Variants in ENTREP2 observed in about 807,000 individuals in gnomAD.
ENTREP2 encodes endosomal transmembrane epsin interactor 2, also known as protein ENTREP2.
chr15:29,315,387 G>A, the ENTREP2 span, among the ~76,000 whole-genome samples: 1 of 152,016 alleles, frequency 6.6e-6, no homozygotes, highest in East Asian at 1.9e-4. Flanking sequence ...AAAATAAAAC[G>A]GAAATATCCA....
chr15:29,281,774 T>G, the ENTREP2 span, among the ~76,000 whole-genome samples: 79,096 of 152,130 alleles, frequency 0.52, 23,209 homozygotes, highest in Non-Finnish European at 0.68. Context: ...CCAGCTGACA[T>G]CTGTAGACTA....
the ENTREP2 span, among the ~76,000 whole-genome samples, chr15:29,288,090 A>G: frequency 2.6e-4 from 39 of 152,234 alleles, no homozygotes; most frequent in Non-Finnish European, 5.0e-4. Context: ...TACTTTCGGT[A>G]AACTGTAGTT....
the ENTREP2 span, among the ~76,000 whole-genome samples, chr15:29,310,004 C>T: frequency 6.6e-6 from 1 of 152,020 alleles, no homozygotes; most frequent in Non-Finnish European, 1.5e-5. Flanking sequence ...TTCCATGTGA[C>T]GTGGACTGAA....
At chr15:29,270,190 C>G in the ENTREP2 span, among the ~76,000 whole-genome samples, 2 of 152,110 alleles carry the variant, frequency 1.3e-5, no homozygotes, top group Non-Finnish European at 2.9e-5. Context: ...TATTTCTACA[C>G]AAAATGTAGA....
At chr15:29,565,652 T>C in the ENTREP2 span, among the ~76,000 whole-genome samples, 4 of 152,192 alleles carry the variant, frequency 2.6e-5, no homozygotes, top group Non-Finnish European at 4.4e-5. Flanking sequence ...TTTTTGTAAA[T>C]TGTTTTTAAA....
At chr15:29,232,151 A>G in the ENTREP2 span, among the ~76,000 whole-genome samples, 1 of 152,054 alleles carries the variant, frequency 6.6e-6, no homozygotes, top group African/African-American at 2.4e-5. Flanking sequence ...TCAGTCTCCA[A>G]AAGTGCTGGG....
the ENTREP2 span, among the ~76,000 whole-genome samples, chr15:29,223,615 T>C: frequency 3.9e-5 from 6 of 152,156 alleles, no homozygotes; most frequent in Non-Finnish European, 7.3e-5. Context: ...GGATGGTCTT[T>C]TTTCCCACTG....
the ENTREP2 span, among the ~76,000 whole-genome samples, chr15:29,526,822 C>A: frequency 1.2e-4 from 18 of 151,928 alleles, no homozygotes; most frequent in Middle Eastern, 3.2e-3. Flanking sequence ...TCGTGCCAAC[C>A]TAACACCCCC....
the ENTREP2 span, among the ~76,000 whole-genome samples, chr15:29,452,015 G>C: frequency 6.6e-6 from 1 of 152,166 alleles, no homozygotes; most frequent in African/African-American, 2.4e-5. Flanking sequence ...AAATGTTCTA[G>C]ACCATCAAAT....
chr15:29,652,895 G>T, the ENTREP2 span, among the ~76,000 whole-genome samples: 1 of 152,186 alleles, frequency 6.6e-6, no homozygotes, highest in South Asian at 2.1e-4. Context: ...CTGAGTGGGA[G>T]GAATAAGCTG....
chr15:29,139,662 A>AC, the ENTREP2 span, among the ~76,000 whole-genome samples: 2 of 152,204 alleles, frequency 1.3e-5, no homozygotes. Context: ...AGGCTGCCAC[A>AC]CACTGGAGGC....
chr15:29,136,393 C>G, the ENTREP2 span: 6 of 1,518,554 alleles, frequency 4.0e-6, no homozygotes, highest in Non-Finnish European at 5.3e-6. Context: ...GGCCCACCAC[C>G]GCCTCGTACG....
chr15:29,661,148 G>T, the ENTREP2 span, among the ~76,000 whole-genome samples: 1 of 152,154 alleles, frequency 6.6e-6, no homozygotes, highest in Non-Finnish European at 1.5e-5. Context: ...GAAATTAAAG[G>T]TTCATTTGAA....
At chr15:29,524,844 T>TA in the ENTREP2 span, among the ~76,000 whole-genome samples, 1 of 152,262 alleles carries the variant, frequency 6.6e-6, no homozygotes, top group African/African-American at 2.4e-5. Context: ...CAAGATTTAA[T>TA]AGAGTGAAAA....
chr15:29,500,766 G>A, the ENTREP2 span, among the ~76,000 whole-genome samples: 2 of 151,814 alleles, frequency 1.3e-5, no homozygotes, highest in African/African-American at 4.8e-5. Context: ...GCCAAACAGA[G>A]AACAGAAAAA....
chr15:29,304,808 T>C, the ENTREP2 span, among the ~76,000 whole-genome samples: 1 of 152,168 alleles, frequency 6.6e-6, no homozygotes, highest in African/African-American at 2.4e-5. Flanking sequence ...TGGTTGCTCT[T>C]AGAACTGTCA....
At chr15:29,173,217 GAGGGT>G in the ENTREP2 span, among the ~76,000 whole-genome samples, 1 of 152,224 alleles carries the variant, frequency 6.6e-6, no homozygotes, top group Non-Finnish European at 1.5e-5. Flanking sequence ...GGGTGCACAG[GAGGGT>G]GCTGTAAGCT....
At chr15:29,314,110 T>C in the ENTREP2 span, among the ~76,000 whole-genome samples, 3 of 152,214 alleles carry the variant, frequency 2.0e-5, no homozygotes, top group African/African-American at 7.2e-5. Flanking sequence ...CTGCTTCTTA[T>C]GGATGAGCAA....
chr15:29,540,367 T>C, the ENTREP2 span, among the ~76,000 whole-genome samples: 2 of 152,226 alleles, frequency 1.3e-5, no homozygotes, highest in African/African-American at 4.8e-5. Flanking sequence ...TGTATGATTA[T>C]ACCCCATAAA....
Sources: gnomAD v4.1 joint callset for allele counts (sites outside exome capture counted in the v4.1 genomes callset) on GRCh38, gnomAD v4.1.1 for gene constraint, MANE v1.5 for transcripts, NCBI Gene and HGNC (gene_info 2026-07-23, HGNC 2026-07-21) for gene names.